FREM1: variants seen among roughly 807,000 people sequenced by gnomAD.
The protein encoded by FREM1 is FRAS1-related extracellular matrix protein 1.
FREM1 carries 220 observed loss-of-function variants against 210.1 expected under a neutral mutation model. The observed-to-expected ratio is 1.05, with a 90% CI of 0.94 to 1.17. FREM1 has a LOEUF of 1.17. Among genes scored for constraint, FREM1 ranks in the 50% most tolerant of loss-of-function variants. The pLI, the probability that FREM1 is intolerant of heterozygous loss-of-function variation, is 0.00. For synonymous variants in FREM1, 1,189 were observed against 980.2 expected, an observed-to-expected ratio of 1.21 and a Z score of -3.98; for missense variants, 3,454 against 2,675.5, an observed-to-expected ratio of 1.29 and a Z score of -6.42.
At chr9:14,779,682 T>G (rs1401808523) in intron 24 of FREM1, 1 of 159,298 alleles carries the variant, frequency 6.3e-6, no homozygotes, top group Non-Finnish European at 1.3e-5. Flanking sequence ...AAGATCGTGA[T>G]CTGCCCACGT....
chr9:14,746,442 G>A lies in FREM1; in HGVS notation c.6165C>T (p.Ala2055=), dbSNP rs754234108. ...AGTAGCCTGAGTGCTGGTGCCACCC[G>A]GCTGGACAGGATTTGTCTTCCACAT... ...TKDVEDKSCP[A]GWHQHSGYCH... The change falls in exon 35 of 37, where the codon GCC becomes GCT. Residue 2055 remains alanine, a synonymous_variant. Coordinates refer to ENST00000380880, the MANE Select transcript of FREM1 (RefSeq NM_001379081.2). The A allele has an allele frequency of 6.2e-6, 10 of 1,613,556 alleles. No homozygotes were observed. Among genetic ancestry groups the A allele is most frequent in the Middle Eastern group, 1.6e-4 (1 of 6,074 alleles).
intron 14 of FREM1, among the ~76,000 whole-genome samples, chr9:14,817,550 C>G (rs1820526796): frequency 6.6e-6 from 1 of 152,138 alleles, no homozygotes; most frequent in Non-Finnish European, 1.5e-5. Flanking sequence ...TACTCTCCAG[C>G]CCATTGCAGT....
chr9:14,850,729 A>C (rs554755208), intron 6 of FREM1, among the ~76,000 whole-genome samples: 10 of 152,164 alleles, frequency 6.6e-5, no homozygotes, highest in Non-Finnish European at 1.5e-4. Flanking sequence ...AAACACACCA[A>C]AAAAATTTTG....
intron 23 of FREM1, among the ~76,000 whole-genome samples, 193 bp from the exon 24 acceptor site, chr9:14,784,827 A>G (rs539391277): frequency 1.3e-5 from 2 of 152,358 alleles, no homozygotes; most frequent in East Asian, 3.9e-4. Flanking sequence ...GAAGAAATTC[A>G]CGTGGCCAGT....
intron 1 of FREM1, among the ~76,000 whole-genome samples, chr9:14,889,077 T>A (rs1836321215): frequency 6.6e-6 from 1 of 152,238 alleles, no homozygotes; most frequent in Admixed American, 6.5e-5. Context: ...CTATAGTTGC[T>A]ATAATCATCT....
chr9:14,852,812 T>C (rs535034341), intron 5 of FREM1, among the ~76,000 whole-genome samples: 1 of 152,364 alleles, frequency 6.6e-6, no homozygotes, highest in East Asian at 1.9e-4. Context: ...TGCTGAACAC[T>C]TGCCATTGGG....
At position 14,836,059 on chromosome 9, in the gene FREM1, A is replaced by G. The variant is rs959741949; in HGVS notation, c.1881+5388T>C. 3.3e-5 allele frequency among the ~76,000 whole-genome samples: 5 copies of G among 152,234 alleles called. No homozygotes were observed. The highest frequency in any genetic ancestry group is 1.2e-4 in the African/African-American group (5 of 41,464). Reference sequence around the variant, plus strand: ...TTGCAACTTCTGCCGGGTAATGAAAAGTGAGTAAGGTGCCCATAACTCTGA... The same window carrying G: ...TTGCAACTTCTGCCGGGTAATGAAAGGTGAGTAAGGTGCCCATAACTCTGA... On this transcript the variant is annotated intron_variant, in intron 10 of 36. Coordinates refer to ENST00000380880, the MANE Select transcript of FREM1 (RefSeq NM_001379081.2). This position sits in a 1 kb window ranked among gnomAD's most constrained non-coding sequence, Gnocchi z 4.9.
chr9:14,824,969 T>C lies in FREM1; in HGVS notation c.1905A>G (p.Pro635=), dbSNP rs373929516. 5.0e-6 allele frequency: 8 copies of C among 1,589,894 alleles called. No individual in the cohort carries two copies. Among genetic ancestry groups the C allele is most frequent in the Non-Finnish European group, 6.8e-6 (8 of 1,174,278 alleles). ...CCTCTTTTGGAAGCTGGTCATCCAC[T>C]GGAGTTATATGGATTGTTGCCACCT... is the stretch of plus-strand genomic sequence containing the variant. ...VPQVATIHIT[P]VDDQLPKEAP... Residue 635 remains proline (P), a synonymous_variant, in exon 11 of 37, where the codon CCA becomes CCG. Transcript: ENST00000380880.
At chr9:14,801,903 C>A in intron 19 of FREM1, 29 bp from the exon 20 acceptor site, 3 of 1,510,318 alleles carry the variant, frequency 2.0e-6, no homozygotes, top group South Asian at 2.4e-5. Flanking sequence ...GAAAAGTCAA[C>A]AATGCATAAA....
Position 14,801,894 on chromosome 9 carries a change from A to G in FREM1, c.3472-20T>C, listed in dbSNP as rs77508679. The G allele has an allele frequency of 0.015, 22,959 of 1,548,444 alleles. 230 individuals are homozygous for G. The highest frequency in any genetic ancestry group is 0.027 in the Middle Eastern group (133 of 4,886). On this transcript the variant is annotated intron_variant, in intron 19 of 36. Coordinates refer to ENST00000380880, the MANE Select transcript of FREM1 (RefSeq NM_001379081.2). ...ACACACCTGAGCAAGAACACATGAG[A>G]AAAGTCAACAATGCATAAAAGACAA...
At chr9:14,893,547 T>C (rs62534801) in intron 1 of FREM1, among the ~76,000 whole-genome samples, 1 of 152,194 alleles carries the variant, frequency 6.6e-6, no homozygotes, top group Non-Finnish European at 1.5e-5. Flanking sequence ...ATATGTGTTG[T>C]GTGTGTAATA....
intron 5 of FREM1, among the ~76,000 whole-genome samples, chr9:14,854,420 A>G (rs1327834545): frequency 6.6e-6 from 1 of 152,138 alleles, no homozygotes; most frequent in African/African-American, 2.4e-5. Flanking sequence ...TAGAAAGATT[A>G]AAAGGAAAAG....
chr9:14,830,469 G>C (rs1009557735), intron 10 of FREM1, among the ~76,000 whole-genome samples: 1 of 152,166 alleles, frequency 6.6e-6, no homozygotes, highest in Non-Finnish European at 1.5e-5. Context: ...AGTACATTGA[G>C]AACACTTTAT....
intron 35 of FREM1, 39 bp from the exon 36 acceptor site, chr9:14,740,273 G>T: frequency 7.0e-7 from 1 of 1,421,764 alleles, no homozygotes; most frequent in South Asian, 1.2e-5. Flanking sequence ...GCAACAAGCA[G>T]TTAACATTTC....
In FREM1 at chr9:14,748,422, C is replaced by T. The variant is rs575304483; in HGVS notation, c.5775G>A (p.Arg1925=). 3 of 1,612,154 alleles carry T rather than the reference C, an allele frequency of 1.9e-6. No individual in the cohort carries two copies. Among genetic ancestry groups the T allele is most frequent in the Non-Finnish European group, 1.7e-6 (2 of 1,178,350 alleles). ...DSTDLSQRKL[R]TRGNGKTVRP... is the part of the protein sequence containing the mutation. ...TTACTGTTTTGCCATTCCCACGGGTCCTAAGCTTCCTTTGAGAAAGATCTG... is the reference window on the plus strand; with the variant it reads ...TTACTGTTTTGCCATTCCCACGGGTTCTAAGCTTCCTTTGAGAAAGATCTG... The change falls in exon 31 of 37, where the codon AGG becomes AGA. Residue 1925 remains arginine (R), a synonymous_variant. Transcript: ENST00000380880.
At chr9:14,866,462 G>T (rs1831539545) in intron 2 of FREM1, among the ~76,000 whole-genome samples, 1 of 152,076 alleles carries the variant, frequency 6.6e-6, no homozygotes, top group African/African-American at 2.4e-5. Context: ...GGTAGGGAGA[G>T]GAGAGCTCTC....
At chr9:14,828,649 A>T (rs1389740) in intron 10 of FREM1, among the ~76,000 whole-genome samples, 29,558 of 94,502 alleles carry the variant, frequency 0.31, 5,798 homozygotes, top group Middle Eastern at 0.46. Flanking sequence ...GGGGCGGGGG[A>T]GGTGCCGGGG....
In FREM1 at chr9:14,824,980, G is replaced by A. The variant is rs1474110840; in HGVS notation, c.1894C>T (p.His632Tyr). The A allele has an allele frequency of 1.3e-5, 20 of 1,576,274 alleles. No homozygotes were observed. The South Asian group carries it at 1.8e-4, about 14-fold the overall frequency. ...AGCTGGTCATCCACTGGAGTTATAT[G>A]GATTGTTGCCACCTGGAATAAAAAT... ...NLSVPQVATI[H>Y]ITPVDDQLPK... Residue 632 changes from histidine to tyrosine, a missense_variant, in exon 11 of 37, where the codon CAT becomes TAT. Coordinates refer to ENST00000380880, the MANE Select transcript of FREM1 (RefSeq NM_001379081.2).
chr9:14,767,980 A>G (rs1846752473), intron 27 of FREM1, among the ~76,000 whole-genome samples: 1 of 152,196 alleles, frequency 6.6e-6, no homozygotes, highest in Non-Finnish European at 1.5e-5. Context: ...GGATATTTAA[A>G]TGGCCTCATT....
Sources: gnomAD v4.1 joint callset for allele counts (sites outside exome capture counted in the v4.1 genomes callset) on GRCh38, gnomAD v4.1.1 for gene constraint, Gnocchi (gnomAD v3.1) non-coding constraint, MANE v1.5 for transcripts, NCBI Gene and HGNC (gene_info 2026-07-23, HGNC 2026-07-21) for gene names.